The following CACNA2D3 variants were observed in gnomAD, a reference collection of about 807,000 sequenced individuals.
The protein encoded by CACNA2D3 is calcium voltage-gated channel auxiliary subunit alpha2delta 3.
CACNA2D3 carries 60 observed loss-of-function variants against 160.6 expected under a neutral mutation model. The ratio of observed to expected loss-of-function variants is 0.37; its 90% CI spans 0.30 to 0.46. CACNA2D3 has a LOEUF of 0.46. Ranked by LOEUF, CACNA2D3 falls within the 20% of genes least tolerant of loss-of-function variation. The pLI is 1.00. For missense variants in CACNA2D3, 1,205 were observed against 1,365.0 expected (o/e 0.88, Z 1.85); for synonymous variants, 558 against 492.9 (o/e 1.13, Z -1.75).
rs112934413 is a variant in CACNA2D3, at chr3:54,676,632, A to G, written c.1167+34391A>G. On this transcript the variant is annotated intron_variant, in intron 11 of 37. Transcript: ENST00000474759. Reference sequence around the variant, plus strand: ...CCAGATCATTGGAATTGCCCTTCCCATAGGCTGGCAGGAATCCCAGTGAGC... The same window carrying G: ...CCAGATCATTGGAATTGCCCTTCCCGTAGGCTGGCAGGAATCCCAGTGAGC... Among the ~76,000 whole-genome samples, 1,311 of 152,236 alleles carry G rather than the reference A, an allele frequency of 8.6e-3. 9 individuals carry two copies. Among genetic ancestry groups the G allele is most frequent in the Middle Eastern group, 0.017 (5 of 294 alleles).
At chr3:54,289,908 C>G (rs1168350129) in intron 2 of CACNA2D3, among the ~76,000 whole-genome samples, 1 of 152,010 alleles carries the variant, frequency 6.6e-6, no homozygotes, top group Non-Finnish European at 1.5e-5. Context: ...AAAATTAATT[C>G]AAGATGGATT....
chr3:54,465,101 A>G (rs1042104517), intron 4 of CACNA2D3, among the ~76,000 whole-genome samples: 4 of 150,096 alleles, frequency 2.7e-5, no homozygotes, highest in Non-Finnish European at 4.4e-5. Context: ...CTGTCTTCAC[A>G]TTCAGACATT....
chr3:54,514,043 A>G (rs569066425), intron 5 of CACNA2D3, among the ~76,000 whole-genome samples: 4 of 152,156 alleles, frequency 2.6e-5, no homozygotes, highest in Non-Finnish European at 5.9e-5. Flanking sequence ...AAATTGTGCT[A>G]TTTTCATCTC....
intron 11 of CACNA2D3, among the ~76,000 whole-genome samples, chr3:54,655,072 A>G (rs986651762): frequency 6.6e-6 from 1 of 152,222 alleles, no homozygotes; most frequent in African/African-American, 2.4e-5. Context: ...GGTGCTGGAC[A>G]TGTTAGCTTA....
chr3:54,157,837 A>C (rs1201587501), intron 2 of CACNA2D3, among the ~76,000 whole-genome samples: 4,285 of 37,474 alleles, frequency 0.11, 129 homozygotes, highest in African/African-American at 0.38. Context: ...CAACCAAACA[A>C]AAAAAAAAAA....
chr3:54,731,010 C>G (rs1164432486), intron 11 of CACNA2D3, among the ~76,000 whole-genome samples: 1 of 152,186 alleles, frequency 6.6e-6, no homozygotes, highest in African/African-American at 2.4e-5. Flanking sequence ...GCTTTAAAGA[C>G]TGTCAGCCCA....
intron 3 of CACNA2D3, among the ~76,000 whole-genome samples, chr3:54,371,583 C>T (rs777939494): frequency 1.3e-5 from 2 of 152,168 alleles, no homozygotes; most frequent in Non-Finnish European, 2.9e-5. Flanking sequence ...CACATCACAT[C>T]GTGTGCATTT....
rs148584348 is a variant in CACNA2D3, at chr3:54,429,094, G to A, written c.381+42320G>A. ...GGGATTATAAAGCCAGCCCTCTCTG[G>A]TATATGGAATAAATTCTCAGTTGGG... On this transcript the variant is annotated intron_variant, in intron 4 of 37. Transcript: ENST00000474759. 2.5e-3 allele frequency among the ~76,000 whole-genome samples: 381 copies of A among 152,240 alleles called. 4 individuals are homozygous for A. The highest frequency in any genetic ancestry group is 8.4e-3 in the African/African-American group (348 of 41,544).
intron 4 of CACNA2D3, among the ~76,000 whole-genome samples, chr3:54,416,921 A>G (rs987775730): frequency 2.0e-5 from 3 of 152,158 alleles, no homozygotes; most frequent in African/African-American, 7.2e-5. Flanking sequence ...TGGAAGGGAA[A>G]CATACTCATA....
intron 5 of CACNA2D3, among the ~76,000 whole-genome samples, chr3:54,517,768 T>C (rs1701577082): frequency 6.6e-6 from 1 of 152,156 alleles, no homozygotes; most frequent in South Asian, 2.1e-4. Context: ...CAAGGCTGCC[T>C]TGCCTTGGGC....
intron 35 of CACNA2D3, among the ~76,000 whole-genome samples, chr3:55,052,569 C>T (rs1704253873): frequency 6.6e-6 from 1 of 151,952 alleles, no homozygotes; most frequent in African/African-American, 2.4e-5. Flanking sequence ...CTGTTCATTA[C>T]CAAGAGAGGA....
At chr3:55,028,454 A>T (rs1341293284) in intron 35 of CACNA2D3, among the ~76,000 whole-genome samples, 2 of 152,138 alleles carry the variant, frequency 1.3e-5, no homozygotes, top group Non-Finnish European at 2.9e-5. Context: ...GCAATCGAAA[A>T]CAACTCAGCC....
intron 35 of CACNA2D3, among the ~76,000 whole-genome samples, chr3:55,051,533 C>T (rs867553321): frequency 3.3e-5 from 5 of 152,008 alleles, no homozygotes; most frequent in Middle Eastern, 3.4e-3. Flanking sequence ...ACATTTAAGT[C>T]TGCAGAGGTT....
In CACNA2D3 at chr3:54,871,601, G is replaced by A. The variant is rs985857153; in HGVS notation, c.1689G>A (p.Glu563=). The part of the protein sequence containing the change: ...NYSSVDLSEV[E]WEDRDDVLRN... Reference sequence around the variant, plus strand: ...GTAGCGTTGACCTCTCTGAGGTGGAGTGGGAAGACCGAGATGACGTGGTAA... The same window carrying A: ...GTAGCGTTGACCTCTCTGAGGTGGAATGGGAAGACCGAGATGACGTGGTAA... The change falls in exon 18 of 38, where the codon GAG becomes GAA. Residue 563 remains glutamate (E), a synonymous_variant. Coordinates refer to ENST00000474759, the MANE Select transcript of CACNA2D3 (RefSeq NM_018398.3). 1.9e-6 allele frequency: 3 copies of A among 1,613,172 alleles called. No homozygotes were observed. Among genetic ancestry groups the A allele is most frequent in the Non-Finnish European group, 2.5e-6 (3 of 1,179,192 alleles).
chr3:54,889,914 A>G (rs1189629602), intron 24 of CACNA2D3, among the ~76,000 whole-genome samples: 4 of 152,196 alleles, frequency 2.6e-5, no homozygotes, highest in Non-Finnish European at 5.9e-5. Context: ...AAGATTTCCA[A>G]AATGGTAACT....
In CACNA2D3 at chr3:54,383,630, C is replaced by T. The variant is rs117496640; in HGVS notation, c.322-3085C>T. On this transcript the variant is annotated intron_variant, in intron 3 of 37. Transcript: ENST00000474759. ...ACATGCAGTGCTTGCTTCGGCAGCA[C>T]ATGTACTAAAATGAGAGCAATCCAG... is the stretch of plus-strand genomic sequence containing the variant. 7.8e-3 allele frequency among the ~76,000 whole-genome samples: 1,191 copies of T among 152,032 alleles called. 32 individuals are homozygous for T. The East Asian group carries it at 0.086, about 11-fold the overall frequency.
intron 2 of CACNA2D3, among the ~76,000 whole-genome samples, chr3:54,309,782 A>G (rs546749791): frequency 1.3e-5 from 2 of 151,966 alleles, no homozygotes; most frequent in African/African-American, 4.8e-5. Flanking sequence ...GTTGCTTTCG[A>G]TATTGGTTCA....
At chr3:55,053,715 T>C (rs79686009) in intron 35 of CACNA2D3, among the ~76,000 whole-genome samples, 2,766 of 152,050 alleles carry the variant, frequency 0.018, 87 homozygotes, top group African/African-American at 0.063. Flanking sequence ...AATATGGACA[T>C]ACGGTCATCA....
chr3:54,153,501 G>C (rs192435960), intron 2 of CACNA2D3, among the ~76,000 whole-genome samples: 1 of 152,316 alleles, frequency 6.6e-6, no homozygotes, highest in Admixed American at 6.5e-5. Flanking sequence ...CCGTGCTCAT[G>C]TTATTGTTTA....
Sources: gnomAD v4.1 joint callset for allele counts (sites outside exome capture counted in the v4.1 genomes callset) on GRCh38, gnomAD v4.1.1 for gene constraint, MANE v1.5 for transcripts, NCBI Gene and HGNC (gene_info 2026-07-23, HGNC 2026-07-21) for gene names.